Variants in NIN observed in about 807,000 individuals in gnomAD.
The protein encoded by NIN is ninein, also known as glycogen synthase kinase 3 beta-interacting protein.
In NIN, 137 loss-of-function variants were observed where a neutral mutation model predicts 257.6. The ratio of observed to expected loss-of-function variants is 0.53; its 90% CI spans 0.46 to 0.61. NIN has a LOEUF of 0.61. NIN is among the 20% of genes least tolerant of loss of function. The probability of loss-of-function intolerance (pLI) is 0.00; values close to 1 mark genes in which losing one functional copy is unlikely to be tolerated. For synonymous variants in NIN, 918 were observed against 919.8 expected, an observed-to-expected ratio of 1.00 and a Z score of 0.04; for missense variants, 2,439 against 2,501.2, an observed-to-expected ratio of 0.98 and a Z score of 0.53.
At chr14:50,737,599 G>GATTA (rs1416303202) in intron 27 of NIN, among the ~76,000 whole-genome samples, 2 of 144,806 alleles carry the variant, frequency 1.4e-5, no homozygotes, top group African/African-American at 5.0e-5. Flanking sequence ...TAATAAAGAT[G>GATTA]ATTAATTGCC....
chr14:50,750,086 C>A (rs1413010937), intron 21 of NIN, among the ~76,000 whole-genome samples: 1 of 152,042 alleles, frequency 6.6e-6, no homozygotes, highest in Non-Finnish European at 1.5e-5. Context: ...CAGCTTTGGC[C>A]ATCAGGACAC....
intron 4 of NIN, among the ~76,000 whole-genome samples, chr14:50,804,961 T>C (rs1000257171): frequency 3.9e-5 from 6 of 152,164 alleles, no homozygotes; most frequent in East Asian, 1.9e-4. Context: ...ATCCCAACAA[T>C]GTACAACTCT....
At position 50,720,112 on chromosome 14, in the gene NIN, C is replaced by G. The variant is rs560044175; in HGVS notation, c.*3351G>C. ...AACAGCTATTCATATGCCACAAAACCAAAACTATTTTACAGTGCTGAGAGG... is the reference window on the plus strand; with the variant it reads ...AACAGCTATTCATATGCCACAAAACGAAAACTATTTTACAGTGCTGAGAGG... On this transcript the variant is annotated 3_prime_UTR_variant, in exon 31 of 31. Coordinates refer to ENST00000530997, the MANE Select transcript of NIN (RefSeq NM_020921.4). 1 of 221,648 alleles carries G rather than the reference C, an allele frequency of 4.5e-6. No individual in the cohort carries two copies. The highest frequency in any genetic ancestry group is 2.2e-5 in the African/African-American group (1 of 44,778). 13.7% of individuals were successfully genotyped at this position (221,648 alleles called of 1,614,324 possible). A position where few individuals can be genotyped will look rare whatever the true frequency, so the allele number is the denominator to read the frequency against.
intron 20 of NIN, among the ~76,000 whole-genome samples, chr14:50,754,156 G>T (rs2041920991): frequency 6.6e-6 from 1 of 152,198 alleles, no homozygotes; most frequent in African/African-American, 2.4e-5. Flanking sequence ...TCTGTGAAAT[G>T]ATATGCTGAT....
At chr14:50,811,635 C>T (rs2044618649) in intron 3 of NIN, among the ~76,000 whole-genome samples, 1 of 137,494 alleles carries the variant, frequency 7.3e-6, no homozygotes, top group Non-Finnish European at 1.5e-5. Context: ...TGCAGTGGCT[C>T]ACACCTGTAA....
chr14:50,777,222 GA>G (rs2042958026), intron 6 of NIN, 83 bp from the exon 7 acceptor site: 14 of 1,105,412 alleles, frequency 1.3e-5, no homozygotes, highest in Non-Finnish European at 1.7e-5. Flanking sequence ...TGTGCTTTTT[GA>G]AAATAAATAC....
intron 9 of NIN, 107 bp from the exon 10 acceptor site, chr14:50,771,575 G>A (rs1308075890): frequency 8.4e-7 from 1 of 1,186,812 alleles, no homozygotes; most frequent in Non-Finnish European, 1.2e-6. Context: ...CAATGATCTA[G>A]CAATTAGACA....
At chr14:50,785,699 G>A (rs1388506098) in intron 5 of NIN, among the ~76,000 whole-genome samples, 1 of 152,182 alleles carries the variant, frequency 6.6e-6, no homozygotes, top group African/African-American at 2.4e-5. Flanking sequence ...AAAAAATACA[G>A]CATCTATGGC....
intron 4 of NIN, among the ~76,000 whole-genome samples, chr14:50,799,999 TATACAC>T (rs1416469476): frequency 9.6e-6 from 1 of 104,602 alleles, no homozygotes; most frequent in African/African-American, 3.5e-5. Context: ...AAACAATATA[TATACAC>T]ATACACACAC....
At position 50,821,991 on chromosome 14, in the gene NIN, C is replaced by A. The variant is rs749176097; in HGVS notation, c.66G>T (p.Thr22=). 3 of 1,614,052 alleles carry A rather than the reference C, an allele frequency of 1.9e-6. No individual in the cohort carries two copies. The highest frequency in any genetic ancestry group is 2.5e-6 in the Non-Finnish European group (3 of 1,180,038). The change falls in exon 3 of 31, where the codon ACG becomes ACT. Residue 22 remains threonine (T), a synonymous_variant. Coordinates refer to ENST00000530997, the MANE Select transcript of NIN (RefSeq NM_020921.4). ...RLKELFDSFD[T]TGTGSLGQEE... Reference sequence around the variant, plus strand: ...CCTGCCCCAGGGACCCTGTGCCCGTCGTGTCAAAACTGTCAAACAGCTCCT... The same window carrying A: ...CCTGCCCCAGGGACCCTGTGCCCGTAGTGTCAAAACTGTCAAACAGCTCCT...
At chr14:50,827,076 G>T (rs892237592) in intron 2 of NIN, among the ~76,000 whole-genome samples, 2 of 152,130 alleles carry the variant, frequency 1.3e-5, no homozygotes, top group African/African-American at 4.8e-5. Flanking sequence ...GCCTAATAAC[G>T]CCAATGATCA....
rs1415670743 is a variant in NIN, at chr14:50,745,155, A to G, written c.5065-790T>C. On this transcript the variant is annotated intron_variant, in intron 22 of 30. Coordinates refer to ENST00000530997, the MANE Select transcript of NIN (RefSeq NM_020921.4). The stretch of plus-strand genomic sequence containing the variant: ...AAATACTGTTTTTTATTCGTCTTCA[A>G]TATCAGTGCTGGTACTAGTCTCATT... Among the ~76,000 whole-genome samples the G allele has an allele frequency of 4.1e-4, 63 of 152,138 alleles. 1 individual carries two copies. The highest frequency in any genetic ancestry group is 1.5e-5 in the Non-Finnish European group (1 of 68,032).
At chr14:50,725,799 G>T (rs1411025726) in intron 30 of NIN, 154 bp downstream of exon 30, 7 of 1,388,360 alleles carry the variant, frequency 5.0e-6, no homozygotes, top group Non-Finnish European at 6.9e-6. Context: ...GTGATATGAG[G>T]GATAGCAAAT....
At position 50,760,196 on chromosome 14, in the gene NIN, T is replaced by G. The variant is rs780523250; in HGVS notation, c.2060A>C (p.Lys687Thr). 2.5e-6 allele frequency: 4 copies of G among 1,614,090 alleles called. No individual in the cohort carries two copies. The highest frequency in any genetic ancestry group is 3.4e-6 in the Non-Finnish European group (4 of 1,180,042). ...AELQGQAAVLKEAHHEATCRH... is the reference protein window; with the variant it reads ...AELQGQAAVLTEAHHEATCRH... ...GCAAGTGGCCTCATGATGTGCCTCCTTGAGCACTGCTGCTTGCCCCTGAAG... is the reference window on the plus strand; with the variant it reads ...GCAAGTGGCCTCATGATGTGCCTCCGTGAGCACTGCTGCTTGCCCCTGAAG... Residue 687 changes from lysine (K) to threonine (T), a missense_variant, in exon 17 of 31, where the codon AAG becomes ACG. This residue lies in a region of NIN where 2,043 missense variants were observed against 2,050.2 expected (regional missense o/e 1.00). Transcript: ENST00000530997.
At chr14:50,795,776 G>A (rs1191084504) in intron 4 of NIN, among the ~76,000 whole-genome samples, 3 of 152,178 alleles carry the variant, frequency 2.0e-5, no homozygotes, top group Non-Finnish European at 2.9e-5. Flanking sequence ...TCCAAGAAGG[G>A]ACATGAAATG....
At chr14:50,817,515 A>G (rs939141171) in intron 3 of NIN, among the ~76,000 whole-genome samples, 13 of 152,228 alleles carry the variant, frequency 8.5e-5, no homozygotes, top group Non-Finnish European at 1.6e-4. Flanking sequence ...TTAATACTAA[A>G]AATTTCAACA....
chr14:50,758,393 A>T lies in NIN; in HGVS notation c.2637T>A (p.Thr879=), dbSNP rs759782784. The T allele has an allele frequency of 1.2e-5, 20 of 1,613,998 alleles. No homozygotes were observed. In the South Asian group the frequency reaches 2.2e-4, roughly 18 times the overall value. The change falls in exon 18 of 31, where the codon ACT becomes ACA. Residue 879 remains threonine (T), a synonymous_variant. Transcript: ENST00000530997. ...GAGAAGTTGTTTTCTCTCTCTTAAG[A>T]GTCTCTTTCAGCAGCTCCTGGGCTT... ...CAEAQELLKE[T]LKREKTTSLV...
chr14:50,771,472 GA>G lies in NIN; in HGVS notation c.982-5del. The G allele has an allele frequency of 6.2e-7, 1 of 1,613,834 alleles. No individual in the cohort carries two copies. The highest frequency in any genetic ancestry group is 8.5e-7 in the Non-Finnish European group (1 of 1,179,894). On this transcript the variant is annotated splice_region_variant and splice_polypyrimidine_tract_variant and intron_variant, in intron 9 of 30. Transcript: ENST00000530997. ...CATCGAGGCTGAAATCCAAGGCCTA[GA>G]AATCAGAGCAAGGCGTAAATTCAAA...
chr14:50,789,916 T>C (rs536397002), intron 5 of NIN, among the ~76,000 whole-genome samples: 3 of 152,332 alleles, frequency 2.0e-5, no homozygotes, highest in East Asian at 3.9e-4. Context: ...GACTGATGCA[T>C]TGACAAGGCT....
Sources: gnomAD v4.1 joint callset for allele counts (sites outside exome capture counted in the v4.1 genomes callset) on GRCh38, gnomAD v4.1.1 for gene constraint, gnomAD v4.1.1 regional missense constraint, MANE v1.5 for transcripts, NCBI Gene and HGNC (gene_info 2026-07-23, HGNC 2026-07-21) for gene names.